The following TNRC6C variants were observed in gnomAD, a reference collection of about 807,000 sequenced individuals.
The protein encoded by TNRC6C is trinucleotide repeat-containing gene 6C protein.
A neutral mutation model predicts 153.7 loss-of-function variants in TNRC6C; 20 were observed. That is an observed-to-expected ratio of 0.13 (90% CI 0.09 to 0.19). The LOEUF (loss-of-function observed/expected upper bound fraction) is 0.19, where lower values mean the gene tolerates loss of function less well. Ranked by LOEUF, TNRC6C falls within the 10% of genes least tolerant of loss-of-function variation. TNRC6C has a pLI of 1.00. For missense variants in TNRC6C, 1,987 were observed against 2,172.0 expected (o/e 0.91, Z 1.69); for synonymous variants, 811 against 841.4 (o/e 0.96, Z 0.63).
intron 8 of TNRC6C, 160 bp from the exon 11 acceptor site, chr17:78,077,025 C>A: frequency 1.4e-6 from 1 of 732,814 alleles, no homozygotes; most frequent in Non-Finnish European, 2.1e-6. Flanking sequence ...TTTCTTTTTC[C>A]CCTCTTCCTT....
exon 14 of TNRC6C, chr17:78,091,590 A>G (rs776746917): frequency 6.4e-7 from 1 of 1,565,584 alleles, no homozygotes; most frequent in Non-Finnish European, 8.7e-7. Context: ...CCCCTGGAGC[A>G]GAACCCTAGC....
At chr17:78,067,159 A>G (rs2072897868) in intron 4 of TNRC6C, 1 of 152,166 alleles carries the variant, frequency 6.6e-6, no homozygotes, top group Admixed American at 6.5e-5. Context: ...CCTGGGCAAC[A>G]TAGTGAGACC....
At chr17:77,976,958 A>AC (rs1598642221) in intron 1 of TNRC6C, among the ~76,000 whole-genome samples, 6 of 149,206 alleles carry the variant, frequency 4.0e-5, no homozygotes, top group East Asian at 2.0e-4. Flanking sequence ...AAAAAAAAAA[A>AC]AACTTGGTTT....
At chr17:78,073,678 A>G (rs1294459223) in intron 7 of TNRC6C, among the ~76,000 whole-genome samples, 2 of 152,242 alleles carry the variant, frequency 1.3e-5, no homozygotes, top group East Asian at 1.9e-4. Flanking sequence ...GGAGACATAC[A>G]GGGTTGGGTT....
intron 1 of TNRC6C, among the ~76,000 whole-genome samples, chr17:77,994,503 A>G (rs572867475): frequency 6.6e-6 from 1 of 152,362 alleles, no homozygotes; most frequent in South Asian, 2.1e-4. Context: ...CAGTCCTTTT[A>G]GTTCACAAAA....
intron 1 of TNRC6C, among the ~76,000 whole-genome samples, chr17:77,997,823 T>G (rs1174757513): frequency 6.6e-6 from 1 of 151,584 alleles, no homozygotes; most frequent in African/African-American, 2.4e-5. Flanking sequence ...CCTGGCTAAT[T>G]TTTTGTATTT....
intron 1 of TNRC6C, among the ~76,000 whole-genome samples, chr17:77,993,626 T>TC: frequency 6.6e-6 from 1 of 151,684 alleles, no homozygotes; most frequent in East Asian, 1.9e-4. Context: ...AATTAGAACC[T>TC]TTTTTTTTCT....
At chr17:78,094,692 G>A (rs140403697) in intron 16 of TNRC6C, among the ~76,000 whole-genome samples, 2,003 of 152,238 alleles carry the variant, frequency 0.013, 44 homozygotes, top group African/African-American at 0.045. Context: ...CGCCTGCTTT[G>A]GCCTCCCAAA....
intron 1 of TNRC6C, among the ~76,000 whole-genome samples, chr17:78,013,857 T>A (rs1305570696): frequency 1.3e-5 from 2 of 152,180 alleles, no homozygotes; most frequent in African/African-American, 4.8e-5. Flanking sequence ...AATAGCAGGG[T>A]ATGAGGTGAG....
chr17:77,996,233 G>C (rs777792372), intron 1 of TNRC6C, among the ~76,000 whole-genome samples: 12 of 152,114 alleles, frequency 7.9e-5, no homozygotes, highest in Non-Finnish European at 1.6e-4. Flanking sequence ...AGTAAGCCGA[G>C]GTTTAAATAA....
exon 13 of TNRC6C, chr17:78,086,916 G>C (rs771166276): frequency 6.2e-7 from 1 of 1,612,388 alleles, no homozygotes; most frequent in African/African-American, 1.3e-5. Context: ...GCTGGCCCAG[G>C]CCCTGCTCGT....
At chr17:77,962,054 G>A (rs1234784376) in intron 1 of TNRC6C, among the ~76,000 whole-genome samples, 1 of 152,118 alleles carries the variant, frequency 6.6e-6, no homozygotes, top group Non-Finnish European at 1.5e-5. Context: ...CTGGGAATGA[G>A]GTATTTACAT....
intron 14 of TNRC6C, 129 bp downstream of exon 16, chr17:78,091,736 A>T (rs977883570): frequency 1.8e-6 from 2 of 1,099,098 alleles, no homozygotes; most frequent in Non-Finnish European, 2.4e-6. Flanking sequence ...AAAATAACCC[A>T]TTCCATTATA....
At chr17:78,087,310 G>T (rs528315490) in intron 13 of TNRC6C, among the ~76,000 whole-genome samples, 96 of 151,922 alleles carry the variant, frequency 6.3e-4, no homozygotes, top group Admixed American at 3.8e-3. Context: ...AGAGATGGGG[G>T]TCTCACCATG....
intron 1 of TNRC6C, among the ~76,000 whole-genome samples, chr17:77,981,941 T>A (rs888328702): frequency 6.6e-6 from 1 of 152,154 alleles, no homozygotes; most frequent in African/African-American, 2.4e-5. Flanking sequence ...CCCAAAGATT[T>A]GTATGTTGAA....
intron 1 of TNRC6C, among the ~76,000 whole-genome samples, chr17:77,990,509 A>G (rs1382460700): frequency 6.6e-6 from 1 of 152,156 alleles, no homozygotes; most frequent in South Asian, 2.1e-4. Context: ...TTCCCACTGT[A>G]GAACTTTCAT....
At chr17:78,081,544 A>G (rs56194158) in intron 10 of TNRC6C, among the ~76,000 whole-genome samples, 17,940 of 152,190 alleles carry the variant, frequency 0.12, 1,294 homozygotes, top group East Asian at 0.19. Flanking sequence ...CTCAAAAAAC[A>G]GTAGCTTAAA....
At chr17:78,039,257 G>C (rs1259707078) in intron 2 of TNRC6C, among the ~76,000 whole-genome samples, 1 of 151,458 alleles carries the variant, frequency 6.6e-6, no homozygotes, top group Admixed American at 6.6e-5. Context: ...TTGAGAACCA[G>C]TTGAACTTTT....
chr17:78,035,076 C>T (rs1468032215), intron 2 of TNRC6C, among the ~76,000 whole-genome samples: 1 of 152,186 alleles, frequency 6.6e-6, no homozygotes, highest in Non-Finnish European at 1.5e-5. Flanking sequence ...CATTTCTCAT[C>T]TAAAATGAGA....
Sources: gnomAD v4.1 joint callset for allele counts (sites outside exome capture counted in the v4.1 genomes callset) on GRCh38, gnomAD v4.1.1 for gene constraint, MANE v1.5 for transcripts, NCBI Gene and HGNC (gene_info 2026-07-23, HGNC 2026-07-21) for gene names.